The following CACNA1B variants were observed in gnomAD, a reference collection of about 807,000 sequenced individuals.
CACNA1B encodes calcium voltage-gated channel subunit alpha1 B.
In CACNA1B, 70 loss-of-function variants were observed where a neutral mutation model predicts 247.2. That is an observed-to-expected ratio of 0.28 (90% confidence interval 0.23 to 0.35). The LOEUF (loss-of-function observed/expected upper bound fraction) is 0.35. CACNA1B is among the 10% of genes least tolerant of loss of function. CACNA1B has a pLI of 1.00. For missense variants in CACNA1B, 2,367 were observed against 3,197.4 expected, an observed-to-expected ratio of 0.74 and a Z score of 6.26; for synonymous variants, 1,231 against 1,294.4, an observed-to-expected ratio of 0.95 and a Z score of 1.05.
intron 6 of CACNA1B, among the ~76,000 whole-genome samples, chr9:137,929,995 CTATGTTACCCA>C (rs1488854539): frequency 6.6e-6 from 1 of 151,992 alleles, no homozygotes; most frequent in African/African-American, 2.4e-5. Context: ...TGGGGTCTTG[CTATGTTACCCA>C]GACTGGTCTT....
chr9:137,984,117 G>A, intron 12 of CACNA1B, 21 bp from the exon 13 acceptor site: 1 of 1,562,868 alleles, frequency 6.4e-7, no homozygotes, highest in Non-Finnish European at 8.7e-7. Context: ...TGCACCCAAG[G>A]CTAATGCCAT....
intron 20 of CACNA1B, among the ~76,000 whole-genome samples, chr9:138,029,587 G>GT (rs1161384413): frequency 7.2e-6 from 1 of 138,686 alleles, no homozygotes; most frequent in Non-Finnish European, 1.6e-5. Flanking sequence ...CTGATCCTGT[G>GT]TTTTTTTGTG....
intron 20 of CACNA1B, among the ~76,000 whole-genome samples, chr9:138,039,653 A>C (rs1959092401): frequency 6.6e-6 from 1 of 152,102 alleles, no homozygotes; most frequent in Admixed American, 6.5e-5. Context: ...CTTAATTTCT[A>C]ACTTAAGTTA....
Position 137,971,442 on chromosome 9 carries a change from C to A in CACNA1B, c.1393C>A (p.Arg465=). 6.2e-7 allele frequency: 1 copy of A among 1,613,550 alleles called. No individual in the cohort carries two copies. Among genetic ancestry groups the A allele is most frequent in the Non-Finnish European group, 8.5e-7 (1 of 1,179,714 alleles). The change falls in exon 11 of 47, where the codon CGG becomes AGG. Residue 465 remains arginine, a synonymous_variant. Coordinates refer to ENST00000371372, the MANE Select transcript of CACNA1B (RefSeq NM_000718.4). This position sits in a 1 kb window ranked among gnomAD's most constrained non-coding sequence, Gnocchi z 4.4. Reference sequence around the variant, plus strand: ...GAAGACAGAGAGCTCGTCATACTTCCGGAGGAAGGAGAAGATGTTCCGGTT... The same window carrying A: ...GAAGACAGAGAGCTCGTCATACTTCAGGAGGAAGGAGAAGATGTTCCGGTT... The part of the protein sequence containing the change: ...SGKTESSSYF[R]RKEKMFRFFI...
intron 37 of CACNA1B, among the ~76,000 whole-genome samples, chr9:138,101,731 G>A (rs1157542766): frequency 6.6e-6 from 1 of 152,244 alleles, no homozygotes; most frequent in Non-Finnish European, 1.5e-5. Context: ...CAGCCAAGGA[G>A]CCCCTGGTCT....
chr9:137,984,947 G>A (rs1476841977), intron 13 of CACNA1B, among the ~76,000 whole-genome samples: 1 of 152,204 alleles, frequency 6.6e-6, no homozygotes, highest in East Asian at 1.9e-4. Flanking sequence ...GAGAGAGAGA[G>A]ACTCTCCTCA....
At chr9:138,095,091 C>G (rs1002314195) in intron 36 of CACNA1B, among the ~76,000 whole-genome samples, 4 of 151,966 alleles carry the variant, frequency 2.6e-5, no homozygotes, top group Non-Finnish European at 5.9e-5. Flanking sequence ...CATAAGCAAC[C>G]AAAGAAAAAA....
intron 6 of CACNA1B, among the ~76,000 whole-genome samples, chr9:137,949,260 CGTGTGTGTGTCTG>C (rs1195353559): frequency 6.3e-4 from 1 of 1,592 alleles, no homozygotes; most frequent in Non-Finnish European, 1.4e-3. Context: ...GTGTGTGGTG[CGTGTGTGTGTCTG>C]GTGTGTGTGT....
intron 15 of CACNA1B, among the ~76,000 whole-genome samples, 164 bp from the exon 16 acceptor site, chr9:138,006,603 C>G (rs1489575835): frequency 6.6e-6 from 1 of 152,190 alleles, no homozygotes; most frequent in Admixed American, 6.5e-5. Flanking sequence ...CCCTGGGATG[C>G]CCAGACCTTC....
intron 20 of CACNA1B, among the ~76,000 whole-genome samples, chr9:138,033,776 C>T (rs894784074): frequency 1.3e-5 from 2 of 152,118 alleles, no homozygotes; most frequent in South Asian, 2.1e-4. Context: ...CATCCTATCT[C>T]GTGAGACTCA....
chr9:137,935,002 A>C (rs1957648699), intron 6 of CACNA1B, among the ~76,000 whole-genome samples: 1 of 152,234 alleles, frequency 6.6e-6, no homozygotes, highest in African/African-American at 2.4e-5. Flanking sequence ...CCTGAAAAAG[A>C]ATTCAGAAGA....
chr9:137,971,659 T>A lies in CACNA1B; in HGVS notation c.1543+67T>A. ...TCTGCTCTCAGTCTGGAAACCCTGG[T>A]CCATGCCCTGGGGCTACCCCAGGTG... On this transcript the variant is annotated intron_variant, in intron 11 of 46. Coordinates refer to ENST00000371372, the MANE Select transcript of CACNA1B (RefSeq NM_000718.4). This position sits in a 1 kb window ranked among gnomAD's most constrained non-coding sequence, Gnocchi z 4.4. The A allele has an allele frequency of 7.2e-7, 1 of 1,387,576 alleles. No homozygotes were observed. Among genetic ancestry groups the A allele is most frequent in the Non-Finnish European group, 1.0e-6 (1 of 996,696 alleles). The allele number at this position is 1,387,576 out of a possible 1,614,324, so 86.0% of individuals were successfully genotyped here.
intron 3 of CACNA1B, among the ~76,000 whole-genome samples, chr9:137,884,965 C>A (rs1198704602): frequency 4.5e-5 from 5 of 110,816 alleles, no homozygotes; most frequent in South Asian, 6.3e-4. Flanking sequence ...CTTCCCCCCC[C>A]CCCTCCTCCC....
In CACNA1B at chr9:137,917,740, T is replaced by C. The variant is rs1957428436; in HGVS notation, c.966+309T>C. Among the ~76,000 whole-genome samples, 1 of 152,250 alleles carries C rather than the reference T, an allele frequency of 6.6e-6. No homozygotes were observed. Among genetic ancestry groups the C allele is most frequent in the South Asian group, 2.1e-4 (1 of 4,832 alleles). ...ACTCCAGAGGAGATGCTGCTGTTTCTGTTGGCAAGGACGATAGTAGCACTG... is the reference window on the plus strand; with the variant it reads ...ACTCCAGAGGAGATGCTGCTGTTTCCGTTGGCAAGGACGATAGTAGCACTG... On this transcript the variant is annotated intron_variant, in intron 6 of 46. Coordinates refer to ENST00000371372, the MANE Select transcript of CACNA1B (RefSeq NM_000718.4). This position sits in a 1 kb window ranked among gnomAD's most constrained non-coding sequence, Gnocchi z 5.5.
At position 138,121,571 on chromosome 9, in the gene CACNA1B, C is replaced by T. The variant is rs776376857; in HGVS notation, c.6592C>T (p.Arg2198Cys). 29 of 1,610,052 alleles carry T rather than the reference C, an allele frequency of 1.8e-5. No individual in the cohort carries two copies. Among genetic ancestry groups the T allele is most frequent in the Non-Finnish European group, 2.4e-5 (28 of 1,177,512 alleles). The change falls in exon 47 of 47, where the codon CGC (arginine) becomes TGC (cysteine). Residue 2198 changes from arginine to cysteine, a missense_variant. By Grantham distance (180) the Arg-to-Cys change is radical (BLOSUM62 -3). Around this residue, in one of 12 missense-constraint regions of CACNA1B, gnomAD observed 773 missense variants for 779.4 expected, o/e 0.99. Coordinates refer to ENST00000371372, the MANE Select transcript of CACNA1B (RefSeq NM_000718.4). This position sits in a 1 kb window ranked among gnomAD's most constrained non-coding sequence, Gnocchi z 6.8. ...RQLPQTPLTP[R>C]PSITYKTANS... ...GCTCCCCCAGACGCCCCTGACTCCC[C>T]GCCCCAGCATCACCTACAAGACGGC...
At position 137,971,984 on chromosome 9, in the gene CACNA1B, C is replaced by T. The variant is rs754305188; in HGVS notation, c.1543+392C>T. ...CCCACAGACAGGGGACTTAGCCCCA[C>T]GCTCCTTTCCACCACGTGGCTGCTG... On this transcript the variant is annotated intron_variant, in intron 11 of 46. Transcript: ENST00000371372. This position sits in a 1 kb window ranked among gnomAD's most constrained non-coding sequence, Gnocchi z 4.4. 2.6e-5 allele frequency among the ~76,000 whole-genome samples: 4 copies of T among 152,194 alleles called. No homozygotes were observed. Among genetic ancestry groups the T allele is most frequent in the Non-Finnish European group, 4.4e-5 (3 of 68,028 alleles).
intron 35 of CACNA1B, among the ~76,000 whole-genome samples, chr9:138,077,179 C>T (rs370864839): frequency 9.2e-5 from 14 of 152,318 alleles, no homozygotes; most frequent in South Asian, 6.2e-4. Flanking sequence ...CCCCTGCCTC[C>T]GGCTGTCATC....
Position 138,118,014 on chromosome 9 carries a change from A to G in CACNA1B, c.5846A>G (p.His1949Arg). The change falls in exon 43 of 47, where the codon CAT becomes CGT. Residue 1949 changes from histidine to arginine, a missense_variant. Physicochemically the swap from His to Arg is conservative, Grantham distance 29. This residue lies in a region of CACNA1B where 773 missense variants were observed against 779.4 expected (regional missense o/e 0.99). Coordinates refer to ENST00000371372, the MANE Select transcript of CACNA1B (RefSeq NM_000718.4). ...ACTCAAAGGACCCAGGATGCACCCC[A>G]TGAGGCCAGGCCACCCCTGGAGCGT... Reference protein sequence around the residue: ...WGTQRTQDAPHEARPPLERGH... With the variant: ...WGTQRTQDAPREARPPLERGH... The G allele has an allele frequency of 6.2e-7, 1 of 1,601,046 alleles. No homozygotes were observed. The highest frequency in any genetic ancestry group is 8.5e-7 in the Non-Finnish European group (1 of 1,173,704).
intron 11 of CACNA1B, among the ~76,000 whole-genome samples, chr9:137,972,019 C>T (rs142785811): frequency 3.6e-3 from 555 of 152,296 alleles, no homozygotes; most frequent in Non-Finnish European, 5.7e-3. Context: ...GATTCTGCCC[C>T]GGGTTCCTGA....
Sources: allele counts gnomAD v4.1 joint callset (sites outside exome capture counted in the v4.1 genomes callset), GRCh38; gene constraint gnomAD v4.1.1; regional missense constraint gnomAD v4.1.1; non-coding constraint Gnocchi (gnomAD v3.1); transcripts MANE v1.5; gene names NCBI Gene and HGNC (gene_info 2026-07-23, HGNC 2026-07-21).